Variants in CTNNA3 observed in about 807,000 individuals in gnomAD.
CTNNA3 encodes catenin alpha 3.
In CTNNA3, 76 loss-of-function variants were observed where a neutral mutation model predicts 95.7. That is an observed-to-expected ratio of 0.79 (90% CI 0.66 to 0.96). CTNNA3 has a LOEUF of 0.96. Ranked by LOEUF, CTNNA3 falls within the 40% of genes least tolerant of loss-of-function variation. The pLI is 0.00. For synonymous variants in CTNNA3, 431 were observed against 374.4 expected (o/e 1.15, Z -1.74); for missense variants, 1,191 against 1,089.8 (o/e 1.09, Z -1.31).
At chr10:67,278,131 C>A (rs1351959161) in intron 5 of CTNNA3, among the ~76,000 whole-genome samples, 1 of 152,080 alleles carries the variant, frequency 6.6e-6, no homozygotes, top group African/African-American at 2.4e-5. Context: ...AACAGGAGAA[C>A]AAAGATGATT....
chr10:67,180,964 C>T (rs1006064389), intron 6 of CTNNA3, among the ~76,000 whole-genome samples: 1 of 152,108 alleles, frequency 6.6e-6, no homozygotes, highest in South Asian at 2.1e-4. Flanking sequence ...TGTATCTCAT[C>T]CTGACAGCAC....
chr10:67,662,312 A>G (rs1343621252), intron 1 of CTNNA3, among the ~76,000 whole-genome samples: 7 of 152,214 alleles, frequency 4.6e-5, no homozygotes, highest in Admixed American at 1.3e-4. Flanking sequence ...TATTGCAATA[A>G]AAGTTATGTG....
rs551093243 is a variant in CTNNA3, at chr10:67,639,965, C to T, written c.99+7450G>A. ...CTGGCACAAGTCAGGGATGCCCTCT[C>T]TCACCACTCCTATTCAACATAGTGT... On this transcript the variant is annotated intron_variant, in intron 2 of 17. Coordinates refer to ENST00000433211, the MANE Select transcript of CTNNA3 (RefSeq NM_013266.4). Among the ~76,000 whole-genome samples, 79 of 152,284 alleles carry T rather than the reference C, an allele frequency of 5.2e-4. 1 individual carries two copies. The highest frequency in any genetic ancestry group is 1.7e-3 in the African/African-American group (69 of 41,562).
chr10:67,608,390 C>T (rs1368651187), intron 2 of CTNNA3, among the ~76,000 whole-genome samples: 1 of 152,084 alleles, frequency 6.6e-6, no homozygotes, highest in Non-Finnish European at 1.5e-5. Flanking sequence ...TTTGGAGATA[C>T]ATAATTTTCT....
chr10:66,455,314 AACTGTCCCTATTT>A (rs1277956681), intron 11 of CTNNA3, among the ~76,000 whole-genome samples: 1 of 152,190 alleles, frequency 6.6e-6, no homozygotes, highest in African/African-American at 2.4e-5. Context: ...GAAGAAATAT[AACTGTCCCTATTT>A]ACAAGTGATA....
At position 66,994,597 on chromosome 10, in the gene CTNNA3, T is replaced by C. The variant is rs78350339; in HGVS notation, c.1047+185720A>G. On this transcript the variant is annotated intron_variant, in intron 7 of 17. Coordinates refer to ENST00000433211, the MANE Select transcript of CTNNA3 (RefSeq NM_013266.4). ...TACCAAGGATACCTAAAGTTCATTA[T>C]TTCAATTCTTTACTCTCAACAAGGG... is the stretch of plus-strand genomic sequence containing the variant. 3.4e-3 allele frequency among the ~76,000 whole-genome samples: 513 copies of C among 152,316 alleles called. 3 individuals are homozygous for C. The highest frequency in any genetic ancestry group is 0.011 in the African/African-American group (474 of 41,580).
chr10:67,178,387 T>A (rs951248514), intron 7 of CTNNA3, among the ~76,000 whole-genome samples: 1 of 152,220 alleles, frequency 6.6e-6, no homozygotes, highest in Admixed American at 6.5e-5. Context: ...AGTCACTTTA[T>A]AAGTACCTCT....
intron 10 of CTNNA3, among the ~76,000 whole-genome samples, chr10:66,535,493 A>C (rs1160319897): frequency 6.6e-6 from 1 of 152,172 alleles, no homozygotes; most frequent in Non-Finnish European, 1.5e-5. Context: ...AATAAGAAGG[A>C]ATTATCTCCG....
chr10:67,615,685 CAG>C (rs1843630799), intron 2 of CTNNA3, among the ~76,000 whole-genome samples: 1 of 105,202 alleles, frequency 9.5e-6, no homozygotes, highest in South Asian at 3.2e-4. Context: ...TTTTTTGAGA[CAG>C]AGCCTCACTC....
chr10:66,157,476 T>C (rs967832663), intron 13 of CTNNA3, among the ~76,000 whole-genome samples: 1 of 120,344 alleles, frequency 8.3e-6, no homozygotes, highest in African/African-American at 3.5e-5. Flanking sequence ...AGACAGATGA[T>C]AGATAGATAG....
rs995244238 is a variant in CTNNA3, at chr10:66,598,288, A to C, written c.1374+23404T>G. Among the ~76,000 whole-genome samples the C allele has an allele frequency of 2.0e-5, 3 of 152,078 alleles. No homozygotes were observed. The South Asian group carries it at 6.2e-4, about 31-fold the overall frequency. On this transcript the variant is annotated intron_variant, in intron 10 of 17. Transcript: ENST00000433211. ...ACACAGTAAAGTCCATTTATGACAA[A>C]TCCACAGCTAACATCACACTCAATG...
At chr10:67,372,631 C>A (rs1170881521) in intron 5 of CTNNA3, among the ~76,000 whole-genome samples, 1 of 152,110 alleles carries the variant, frequency 6.6e-6, no homozygotes, top group African/African-American at 2.4e-5. Context: ...GAGAACACCA[C>A]AAAGATACTC....
rs1841901556 is a variant in CTNNA3, at chr10:66,812,066, G to A, written c.1048-36542C>T. 3.9e-5 allele frequency among the ~76,000 whole-genome samples: 6 copies of A among 152,090 alleles called. No individual in the cohort carries two copies. In the South Asian group the frequency reaches 1.2e-3, roughly 32 times the overall value. On this transcript the variant is annotated intron_variant, in intron 7 of 17. Coordinates refer to ENST00000433211, the MANE Select transcript of CTNNA3 (RefSeq NM_013266.4). ...CTAGTTTTATGTCCCAGGTGCTCCTGGTTTTCTTTATCTCACTGTAGTCAG... is the reference window on the plus strand; with the variant it reads ...CTAGTTTTATGTCCCAGGTGCTCCTAGTTTTCTTTATCTCACTGTAGTCAG...
chr10:66,877,407 G>T (rs1844667790), intron 7 of CTNNA3, among the ~76,000 whole-genome samples: 1 of 152,282 alleles, frequency 6.6e-6, no homozygotes, highest in Non-Finnish European at 1.5e-5. Flanking sequence ...ATATTTTCTT[G>T]AAGTGGACTG....
intron 17 of CTNNA3, among the ~76,000 whole-genome samples, chr10:65,947,237 T>C (rs2077532410): frequency 6.6e-6 from 1 of 152,086 alleles, no homozygotes; most frequent in Admixed American, 6.6e-5. Context: ...AAAAAAACAG[T>C]TTCATAATAA....
rs781670995 is a variant in CTNNA3, at chr10:65,988,722, C to T, written c.2235G>A (p.Met745Ile). The stretch of plus-strand genomic sequence containing the variant: ...TAGCAATCTGCCGAGCAAGGACATC[C>T]ATCCTTGATCCTGATTCTGATATCA... ...AKMISESGSR[M>I]DVLARQIANQ... is the part of the protein sequence containing the mutation. Residue 745 changes from methionine (M) to isoleucine (I), a missense_variant, in exon 16 of 18, where the codon ATG (methionine) becomes ATA (isoleucine). Met to Ile is a conservative substitution (Grantham distance 10). Coordinates refer to ENST00000433211, the MANE Select transcript of CTNNA3 (RefSeq NM_013266.4). The T allele has an allele frequency of 2.2e-5, 36 of 1,613,582 alleles. No homozygotes were observed. Among genetic ancestry groups the T allele is most frequent in the Non-Finnish European group, 3.0e-5 (35 of 1,179,736 alleles).
At chr10:66,539,323 C>T (rs1841766705) in intron 10 of CTNNA3, among the ~76,000 whole-genome samples, 1 of 151,924 alleles carries the variant, frequency 6.6e-6, no homozygotes, top group African/African-American at 2.4e-5. Context: ...GGTTAGTGCC[C>T]AGTAAATCTA....
intron 3 of CTNNA3, among the ~76,000 whole-genome samples, chr10:67,563,323 A>G (rs1042697070): frequency 6.6e-6 from 1 of 152,226 alleles, no homozygotes; most frequent in Non-Finnish European, 1.5e-5. Context: ...CAGAGCCCTC[A>G]GAAATAATAC....
intron 10 of CTNNA3, among the ~76,000 whole-genome samples, chr10:66,546,207 A>T (rs1842030348): frequency 6.6e-6 from 1 of 152,016 alleles, no homozygotes. Context: ...TTCTAAAAAC[A>T]TATGTTTTTG....
Sources: allele counts gnomAD v4.1 joint callset (sites outside exome capture counted in the v4.1 genomes callset), GRCh38; gene constraint gnomAD v4.1.1; transcripts MANE v1.5; gene names NCBI Gene and HGNC (gene_info 2026-07-23, HGNC 2026-07-21).